The following ATP2B2 variants were observed in gnomAD, a reference collection of about 807,000 sequenced individuals.
ATP2B2 encodes the protein plasma membrane calcium-transporting ATPase 2.
In ATP2B2, 15 loss-of-function variants were observed where a neutral mutation model predicts 120.0. That is an observed-to-expected ratio of 0.12 (90% CI 0.08 to 0.19). The LOEUF (loss-of-function observed/expected upper bound fraction) is 0.19. Ranked by LOEUF, ATP2B2 falls within the 10% of genes least tolerant of loss-of-function variation. The pLI, the probability that ATP2B2 is intolerant of heterozygous loss-of-function variation, is 1.00. For missense variants in ATP2B2, 1,045 were observed against 1,719.8 expected (o/e 0.61, Z 6.94); for synonymous variants, 694 against 700.3 (o/e 0.99, Z 0.14).
In ATP2B2 at chr3:10,341,521, T is replaced by G. The variant is rs536027958; in HGVS notation, c.2918-817A>C. ...AGATGGGGTTTCTCCATGTTGGCCATGCTGGTCTCGAATTCCTGACCTCAA... is the reference window on the plus strand; with the variant it reads ...AGATGGGGTTTCTCCATGTTGGCCAGGCTGGTCTCGAATTCCTGACCTCAA... On this transcript the variant is annotated intron_variant, in intron 19 of 22. Coordinates refer to ENST00000360273, the MANE Select transcript of ATP2B2 (RefSeq NM_001001331.4). 3.0e-4 allele frequency among the ~76,000 whole-genome samples: 45 copies of G among 152,228 alleles called. No homozygotes were observed. In the South Asian group the frequency reaches 3.7e-3, roughly 13 times the overall value.
chr3:10,365,159 C>T (rs949988187), intron 12 of ATP2B2, among the ~76,000 whole-genome samples: 9 of 152,234 alleles, frequency 5.9e-5, no homozygotes, highest in African/African-American at 1.2e-4. Context: ...GCCCTGAGCC[C>T]GCAGAGCACC....
At chr3:10,611,918 C>T (rs1467996411) in intron 2 of ATP2B2, among the ~76,000 whole-genome samples, 1 of 152,128 alleles carries the variant, frequency 6.6e-6, no homozygotes, top group Non-Finnish European at 1.5e-5. Context: ...ACAGAAGATG[C>T]TCAACAGAAA....
intron 2 of ATP2B2, among the ~76,000 whole-genome samples, chr3:10,602,442 G>A: frequency 6.6e-6 from 1 of 152,176 alleles, no homozygotes; most frequent in Non-Finnish European, 1.5e-5. Flanking sequence ...ATTCTTGGGA[G>A]GTTGTCTCAG....
intron 3 of ATP2B2, among the ~76,000 whole-genome samples, chr3:10,512,711 C>T (rs76124921): frequency 0.013 from 1,975 of 152,326 alleles, 53 homozygotes; most frequent in African/African-American, 0.045. Flanking sequence ...GGTTTGCAGG[C>T]AGCCAGGGTC....
At chr3:10,377,559 A>G (rs910502158) in intron 10 of ATP2B2, among the ~76,000 whole-genome samples, 1 of 152,212 alleles carries the variant, frequency 6.6e-6, no homozygotes, top group Non-Finnish European at 1.5e-5. Context: ...CTCACTTTGC[A>G]GCTGGGCCAG....
rs2063958294 is a variant in ATP2B2 at position 10,449,487 on chromosome 3, G to T, written c.57C>A (p.Ser19Arg). The T allele has an allele frequency of 6.2e-7, 1 of 1,614,242 alleles. No homozygotes were observed. The highest frequency in any genetic ancestry group is 2.2e-5 in the East Asian group (1 of 44,882). Residue 19 changes from serine (S) to arginine (R), a missense_variant, in exon 2 of 23, where the codon AGC (serine) becomes AGA (arginine). Around this residue, in one of 11 missense-constraint regions of ATP2B2, gnomAD observed 139 missense variants for 134.2 expected, o/e 1.04. Coordinates refer to ENST00000360273, the MANE Select transcript of ATP2B2 (RefSeq NM_001001331.4). ...TTGTGCACCCGAACTCGCCCCCATG[G>T]CTCGACTCATTTCTTTGGTTTTTGG... ...FYSKNQRNESSHGGEFGCTME... is the reference protein window; with the variant it reads ...FYSKNQRNESRHGGEFGCTME...
chr3:10,667,882 G>T (rs866143449), intron 1 of ATP2B2, among the ~76,000 whole-genome samples: 3 of 152,162 alleles, frequency 2.0e-5, no homozygotes, highest in East Asian at 3.9e-4. Flanking sequence ...TTCTTACTAT[G>T]CAAAATAAAC....
rs143959647 is a variant in ATP2B2, at chr3:10,408,569, C to T, written c.397+2049G>A. 6.6e-4 allele frequency among the ~76,000 whole-genome samples: 101 copies of T among 152,274 alleles called. 2 individuals are homozygous for T. In the East Asian group the frequency reaches 0.015, roughly 22 times the overall value. ...CCAGGGGCGGCCTGAGCTAGTGCCC[C>T]AGCCAGAGGCAGGGAAGAGCCTTGG... On this transcript the variant is annotated intron_variant, in intron 3 of 22. Coordinates refer to ENST00000360273, the MANE Select transcript of ATP2B2 (RefSeq NM_001001331.4).
chr3:10,587,399 T>A (rs1336964347), intron 2 of ATP2B2, among the ~76,000 whole-genome samples: 1 of 151,800 alleles, frequency 6.6e-6, no homozygotes, highest in Non-Finnish European at 1.5e-5. Context: ...TTTATTTATT[T>A]ATTTTTTGAA....
At chr3:10,336,901 G>A (rs887381842) in intron 22 of ATP2B2, among the ~76,000 whole-genome samples, 2 of 152,212 alleles carry the variant, frequency 1.3e-5, no homozygotes, top group Non-Finnish European at 2.9e-5. Flanking sequence ...GCTTCCTCCC[G>A]TAATCTGGAG....
Position 10,465,268 on chromosome 3 carries a change from A to G in ATP2B2, c.-319-15406T>C, listed in dbSNP as rs961768536. Among the ~76,000 whole-genome samples the G allele has an allele frequency of 2.0e-5, 3 of 152,242 alleles. No individual in the cohort carries two copies. In the East Asian group the frequency reaches 5.8e-4, roughly 29 times the overall value. Reference sequence around the variant, plus strand: ...ACCCCAAACCTCAGACTCTGGAGGTATTCATGTCCAGCAGCCTCTCCTTGT... The same window carrying G: ...ACCCCAAACCTCAGACTCTGGAGGTGTTCATGTCCAGCAGCCTCTCCTTGT... On this transcript the variant is annotated intron_variant, in intron 1 of 22. Coordinates refer to ENST00000360273, the MANE Select transcript of ATP2B2 (RefSeq NM_001001331.4).
chr3:10,582,406 A>T (rs532180062), intron 2 of ATP2B2, among the ~76,000 whole-genome samples: 13 of 152,346 alleles, frequency 8.5e-5, no homozygotes, highest in Admixed American at 7.8e-4. Flanking sequence ...GGGACACCTG[A>T]TACCTGCCTG....
At chr3:10,355,341 AGT>A (rs1428696274) in intron 14 of ATP2B2, among the ~76,000 whole-genome samples, 1 of 152,086 alleles carries the variant, frequency 6.6e-6, no homozygotes, top group Non-Finnish European at 1.5e-5. Context: ...GTGTCACTTG[AGT>A]AAGTTGCTGC....
At chr3:10,578,077 C>CATCTCTGAGGCTCAGT (rs1231754790) in intron 2 of ATP2B2, among the ~76,000 whole-genome samples, 2 of 152,164 alleles carry the variant, frequency 1.3e-5, no homozygotes, top group Non-Finnish European at 2.9e-5. Flanking sequence ...AGGGGCTCAG[C>CATCTCTGAGGCTCAGT]ATCTCTGAGG....
chr3:10,336,750 G>A (rs2060127741), intron 22 of ATP2B2, among the ~76,000 whole-genome samples: 1 of 152,196 alleles, frequency 6.6e-6, no homozygotes, highest in Non-Finnish European at 1.5e-5. Flanking sequence ...TCTCTGAGTC[G>A]AGTTTCTTGT....
chr3:10,383,695 G>A (rs2061594176), intron 8 of ATP2B2, among the ~76,000 whole-genome samples: 1 of 152,198 alleles, frequency 6.6e-6, no homozygotes. Flanking sequence ...AATAAAACCT[G>A]TATCATGGGG....
At chr3:10,398,801 C>T (rs1383673272) in intron 5 of ATP2B2, among the ~76,000 whole-genome samples, 8 of 152,198 alleles carry the variant, frequency 5.3e-5, no homozygotes, top group Admixed American at 4.6e-4. Flanking sequence ...CTCACTCTCC[C>T]CTTATGCTTC....
chr3:10,546,798 C>T (rs917851362), intron 2 of ATP2B2, among the ~76,000 whole-genome samples: 7 of 152,208 alleles, frequency 4.6e-5, no homozygotes, highest in African/African-American at 7.2e-5. Flanking sequence ...AGGAAGACCT[C>T]GTATCTGAGA....
At position 10,324,254 on chromosome 3, in the gene ATP2B2, C is replaced by G. The variant is rs2059827012; in HGVS notation, c.*4560G>C. 1 of 151,946 alleles carries G rather than the reference C, an allele frequency of 6.6e-6. No homozygotes were observed. The highest frequency in any genetic ancestry group is 2.4e-5 in the African/African-American group (1 of 41,332). 9.4% of individuals were successfully genotyped at this position (151,946 alleles called of 1,614,324 possible). On this transcript the variant is annotated 3_prime_UTR_variant, in exon 23 of 23. Coordinates refer to ENST00000360273, the MANE Select transcript of ATP2B2 (RefSeq NM_001001331.4). ...GCTACTCTATTATAAAATATGTGCA[C>G]ACAAGAGTTAGCAAAGTGTGGTGAC...
Sources: allele counts gnomAD v4.1 joint callset (sites outside exome capture counted in the v4.1 genomes callset), GRCh38; gene constraint gnomAD v4.1.1; regional missense constraint gnomAD v4.1.1; transcripts MANE v1.5; gene names NCBI Gene and HGNC (gene_info 2026-07-23, HGNC 2026-07-21).